USP4: variants seen among roughly 807,000 people sequenced by gnomAD.
The protein encoded by USP4 is ubiquitin carboxyl-terminal hydrolase 4.
Under a neutral mutation model 118.2 loss-of-function variants are expected in USP4, and 72 were observed. The observed-to-expected ratio is 0.61, with a 90% CI of 0.50 to 0.74. The LOEUF (loss-of-function observed/expected upper bound fraction) is 0.74, where lower values mean the gene tolerates loss of function less well. Among genes scored for constraint, USP4 ranks in the 30% least tolerant of loss-of-function variants. USP4 has a pLI of 0.00. For missense variants in USP4, 1,037 were observed against 1,185.7 expected, an observed-to-expected ratio of 0.87 and a Z score of 1.84; for synonymous variants, 415 against 440.4, an observed-to-expected ratio of 0.94 and a Z score of 0.72.
At chr3:49,318,101 G>A (rs1418266146) in intron 6 of USP4, among the ~76,000 whole-genome samples, 1 of 152,204 alleles carries the variant, frequency 6.6e-6, no homozygotes, top group Admixed American at 6.5e-5. Context: ...CTCCCAAAGT[G>A]CTGGGATTAT....
intron 9 of USP4, among the ~76,000 whole-genome samples, chr3:49,302,795 G>C (rs1268212577): frequency 6.6e-6 from 1 of 152,172 alleles, no homozygotes. Context: ...AGGAGGAAGG[G>C]TGGAGTACCC....
Position 49,324,980 on chromosome 3 carries a change from G to A in USP4, c.547C>T (p.Leu183Phe), listed in dbSNP as rs2047536937. The stretch of plus-strand genomic sequence containing the variant: ...GTGTTGCTCATGTATTTGTTCCAGA[G>A]CCGTGTTTCACGCTCCGCAGGGATG... ...FNIPAERETR[L>F]WNKYMSNTYE... is the part of the protein sequence containing the mutation. The change falls in exon 5 of 22, where the codon CTC becomes TTC. Residue 183 changes from leucine (L) to phenylalanine (F), a missense_variant. By Grantham distance (22) the Leu-to-Phe change is conservative. This residue lies in a region of USP4 where 487 missense variants were observed against 534.1 expected (regional missense o/e 0.91). Coordinates refer to ENST00000265560, the MANE Select transcript of USP4 (RefSeq NM_003363.4). 6.2e-7 allele frequency: 1 copy of A among 1,613,882 alleles called. No individual in the cohort carries two copies.
chr3:49,277,161 TC>T lies in USP4; in HGVS notation c.*1131del. 1 of 1,412,844 alleles carries T rather than the reference TC, an allele frequency of 7.1e-7. No homozygotes were observed. Among genetic ancestry groups the T allele is most frequent in the Non-Finnish European group, 9.4e-7 (1 of 1,068,374 alleles). 87.5% of individuals were successfully genotyped at this position (1,412,844 alleles called of 1,614,324 possible). ...CTACCGGCACCCCCCCTTTGGCGAG[TC>T]GGCAGCCACGTCCTTGTCCTCACCC... On this transcript the variant is annotated 3_prime_UTR_variant, in exon 22 of 22. Coordinates refer to ENST00000265560, the MANE Select transcript of USP4 (RefSeq NM_003363.4).
intron 14 of USP4, chr3:49,293,698 A>T (rs1049647472): frequency 6.6e-6 from 1 of 151,960 alleles, no homozygotes; most frequent in African/African-American, 2.4e-5. Context: ...ACCCACAAGA[A>T]ATTAGCCAAT....
chr3:49,332,136 G>A (rs527873744), intron 2 of USP4, among the ~76,000 whole-genome samples: 1 of 152,064 alleles, frequency 6.6e-6, no homozygotes, highest in Non-Finnish European at 1.5e-5. Flanking sequence ...AATTAGCTGG[G>A]TGTGGTGGCA....
At chr3:49,301,436 C>T (rs1399703739) in intron 10 of USP4, among the ~76,000 whole-genome samples, 1 of 152,014 alleles carries the variant, frequency 6.6e-6, no homozygotes, top group African/African-American at 2.4e-5. Context: ...GCCTGAAATC[C>T]CAGCACTTTG....
At chr3:49,317,528 T>C in intron 6 of USP4, 1 of 611,878 alleles carries the variant, frequency 1.6e-6, no homozygotes, top group Non-Finnish European at 2.8e-6. Context: ...TTTTGTTTTG[T>C]TTTTTGTTTG....
At chr3:49,285,045 AGT>A (rs1448925892) in intron 16 of USP4, 126 bp from the exon 17 acceptor site, 1 of 716,582 alleles carries the variant, frequency 1.4e-6, no homozygotes, top group African/African-American at 1.7e-5. Flanking sequence ...ATCAGCAGCC[AGT>A]GTCAAGAGCA....
At chr3:49,281,491 T>TATATATACAC (rs1242949530) in intron 19 of USP4, among the ~76,000 whole-genome samples, 2 of 126,498 alleles carry the variant, frequency 1.6e-5, no homozygotes, top group African/African-American at 6.5e-5. Flanking sequence ...TATATATATA[T>TATATATACAC]ACACACACAC....
intron 13 of USP4, among the ~76,000 whole-genome samples, chr3:49,296,445 T>C (rs1029064004): frequency 6.6e-6 from 1 of 151,752 alleles, no homozygotes; most frequent in Non-Finnish European, 1.5e-5. Flanking sequence ...GTCAGGAGAT[T>C]GAGACCATCC....
At position 49,325,793 on chromosome 3, in the gene USP4, A is replaced by C. The variant is rs762684821; in HGVS notation, c.413T>G (p.Leu138Arg). Residue 138 changes from leucine (L) to arginine (R), a missense_variant, in exon 4 of 22, where the codon CTG (leucine) becomes CGG (arginine). Physicochemically the swap from Leu to Arg is moderately radical, Grantham distance 102. Coordinates refer to ENST00000265560, the MANE Select transcript of USP4 (RefSeq NM_003363.4). ...ACTGTTCTCACAGAGCTTCAGTTCC[A>C]GCAAATACACCTCGACTTTGCAGTG... ...VKHCKVEVYL[L>R]ELKLCENSDP... is the part of the protein sequence containing the mutation. 1.4e-5 allele frequency: 23 copies of C among 1,614,072 alleles called. No homozygotes were observed. The highest frequency in any genetic ancestry group is 1.8e-5 in the Non-Finnish European group (21 of 1,179,962).
At chr3:49,290,035 T>C (rs1036609311) in intron 15 of USP4, among the ~76,000 whole-genome samples, 9 of 152,180 alleles carry the variant, frequency 5.9e-5, no homozygotes, top group African/African-American at 2.2e-4. Flanking sequence ...GGTGGGAGGA[T>C]TGCTTGAGCC....
intron 9 of USP4, among the ~76,000 whole-genome samples, chr3:49,303,393 A>C (rs2047279914): frequency 6.9e-6 from 1 of 144,710 alleles, no homozygotes; most frequent in East Asian, 2.2e-4. Flanking sequence ...GTGAGCCGAA[A>C]TTGTGCCAGT....
At chr3:49,292,154 C>T (rs1213072093) in intron 15 of USP4, among the ~76,000 whole-genome samples, 1 of 152,066 alleles carries the variant, frequency 6.6e-6, no homozygotes, top group Non-Finnish European at 1.5e-5. Flanking sequence ...GGTGTCGTGG[C>T]ATGCACCTGT....
At chr3:49,333,598 G>C (rs1313672014) in intron 2 of USP4, among the ~76,000 whole-genome samples, 2 of 152,168 alleles carry the variant, frequency 1.3e-5, no homozygotes, top group Non-Finnish European at 2.9e-5. Context: ...TGTGTCTCAG[G>C]CAATAGCAAA....
chr3:49,312,328 A>G, intron 6 of USP4: 1 of 365,220 alleles, frequency 2.7e-6, no homozygotes, highest in Non-Finnish European at 5.5e-6. Context: ...ATCTCTACTA[A>G]AAATACAAAA....
intron 6 of USP4, chr3:49,312,663 G>A (rs1479061164): frequency 2.8e-6 from 1 of 351,798 alleles, no homozygotes; most frequent in Admixed American, 3.6e-5. Flanking sequence ...ATGGCAGCAT[G>A]TGCCTGTAGT....
intron 6 of USP4, chr3:49,316,891 G>A (rs2047442179): frequency 5.0e-6 from 3 of 603,150 alleles, no homozygotes; most frequent in Non-Finnish European, 8.8e-6. Flanking sequence ...TAGCCTGTGT[G>A]AGCACAAAGC....
At position 49,294,413 on chromosome 3, in the gene USP4, C is replaced by G. The variant is rs200666714; in HGVS notation, c.1877G>C (p.Arg626Pro). The part of the protein sequence containing the change: ...LESLYQAVCD[R>P]ISRYVKQPLP... ...TCACATTCCTGCCACCAACCTGATA[C>G]GATCACAAACAGCCTGGTACAAAGA... Residue 626 changes from arginine to proline, a missense_variant, in exon 14 of 22, where the codon CGT becomes CCT. By Grantham distance (103) the Arg-to-Pro change is moderately radical. This residue lies in a region of USP4 where 522 missense variants were observed against 592.6 expected (regional missense o/e 0.88). Transcript: ENST00000265560. 4.3e-5 allele frequency: 70 copies of G among 1,611,138 alleles called. No individual in the cohort carries two copies. Among genetic ancestry groups the G allele is most frequent in the Non-Finnish European group, 5.8e-5 (68 of 1,178,328 alleles).
Sources: allele counts gnomAD v4.1 joint callset (sites outside exome capture counted in the v4.1 genomes callset), GRCh38; gene constraint gnomAD v4.1.1; regional missense constraint gnomAD v4.1.1; transcripts MANE v1.5; gene names NCBI Gene and HGNC (gene_info 2026-07-23, HGNC 2026-07-21).